Variants in PIEZO2 observed in about 807,000 individuals in gnomAD.
The protein encoded by PIEZO2 is piezo type mechanosensitive ion channel component 2.
In PIEZO2, 172 loss-of-function variants were observed where a neutral mutation model predicts 337.3. The observed-to-expected ratio is 0.51, with a 90% CI of 0.45 to 0.58. The LOEUF is 0.58. PIEZO2 is among the 20% of genes least tolerant of loss of function. The probability of loss-of-function intolerance (pLI) is 0.00; values close to 1 mark genes in which losing one functional copy is unlikely to be tolerated. For missense variants in PIEZO2, 3,028 were observed against 3,391.3 expected (o/e 0.89, Z 2.66); for synonymous variants, 1,251 against 1,228.5 (o/e 1.02, Z -0.38).
chr18:10,967,507 C>T (rs1366523545), intron 3 of PIEZO2, among the ~76,000 whole-genome samples: 1 of 152,144 alleles, frequency 6.6e-6, no homozygotes, highest in African/African-American at 2.4e-5. Flanking sequence ...CTACTTTTAG[C>T]TCTTTAAGGA....
In PIEZO2 at chr18:10,824,514, T is replaced by G. The variant is rs1452043062; in HGVS notation, c.918-17240A>C. On this transcript the variant is annotated intron_variant, in intron 7 of 55. Coordinates refer to ENST00000674853, the MANE Select transcript of PIEZO2 (RefSeq NM_001378183.1). The surrounding 1 kb of genome is among the most constrained non-coding windows in gnomAD (Gnocchi z 4.4). ...ATTTTAAATGAACATGACAGAGAAA[T>G]TTAGATTTAGATTTCTAGATAACTT... 6.6e-6 allele frequency among the ~76,000 whole-genome samples: 1 copy of G among 152,186 alleles called. No homozygotes were observed. Among genetic ancestry groups the G allele is most frequent in the African/African-American group, 2.4e-5 (1 of 41,452 alleles).
rs1490197032 is a variant in PIEZO2, at chr18:10,888,704, T to C, written c.330-17289A>G. On this transcript the variant is annotated intron_variant, in intron 4 of 55. Transcript: ENST00000674853. The surrounding 1 kb of genome is among the most constrained non-coding windows in gnomAD (Gnocchi z 4.1). The stretch of plus-strand genomic sequence containing the variant: ...TTCTAGCCTCTGCTTTGTAAATCTT[T>C]GCTCTGATAGTGACAAACATGGCTC... Among the ~76,000 whole-genome samples the C allele has an allele frequency of 6.6e-6, 1 of 152,202 alleles. No homozygotes were observed. The highest frequency in any genetic ancestry group is 1.5e-5 in the Non-Finnish European group (1 of 68,040).
rs571171408 is a variant in PIEZO2 at position 10,784,749 on chromosome 18, C to G, written c.2492+35G>C. Reference sequence around the variant, plus strand: ...GTAGGGTTGAAGAGCTGCCTTCCTGCTAATAAGAGGTCTGTGTTTCTTCCA... The same window carrying G: ...GTAGGGTTGAAGAGCTGCCTTCCTGGTAATAAGAGGTCTGTGTTTCTTCCA... On this transcript the variant is annotated intron_variant, in intron 17 of 55. Transcript: ENST00000674853. The surrounding 1 kb of genome is among the most constrained non-coding windows in gnomAD (Gnocchi z 4.5). 1.4e-6 allele frequency: 2 copies of G among 1,478,822 alleles called. No homozygotes were observed. Among genetic ancestry groups the G allele is most frequent in the Non-Finnish European group, 1.8e-6 (2 of 1,113,216 alleles). 91.6% of individuals were successfully genotyped at this position (1,478,822 alleles called of 1,614,324 possible). A position where few individuals can be genotyped will look rare whatever the true frequency, so the allele number is the denominator to read the frequency against.
In PIEZO2 at chr18:10,762,565, C is replaced by T. The variant is rs886907295; in HGVS notation, c.3184G>A (p.Ala1062Thr). ...ACCCACTCTGTAGGATCGATAGGAG[C>T]GCTGTAGAGCAGAGACTTGTTCAAC... ...NELNKSLLYSAPIDPTEWVGL... is the reference protein window; with the variant it reads ...NELNKSLLYSTPIDPTEWVGL... Residue 1062 changes from alanine to threonine, a missense_variant, in exon 23 of 56, where the codon GCT (alanine) becomes ACT (threonine). This residue lies in a region of PIEZO2 where 1,925 missense variants were observed against 2,051.9 expected (regional missense o/e 0.94). Transcript: ENST00000674853. 14 of 1,537,184 alleles carry T rather than the reference C, an allele frequency of 9.1e-6. No individual in the cohort carries two copies. The highest frequency in any genetic ancestry group is 5.9e-5 in the South Asian group (5 of 84,064).
rs917259834 is a variant in PIEZO2, at chr18:10,784,718, C to T, written c.2492+66G>A. 7.5e-7 allele frequency: 1 copy of T among 1,332,470 alleles called. No homozygotes were observed. Among genetic ancestry groups the T allele is most frequent in the African/African-American group, 2.0e-5 (1 of 49,456 alleles). The allele number at this position is 1,332,470 out of a possible 1,614,324, so 82.5% of individuals were successfully genotyped here. A position where few individuals can be genotyped will look rare whatever the true frequency, so the allele number is the denominator to read the frequency against. The stretch of plus-strand genomic sequence containing the variant: ...TACTGGCTTCTCGCAAGGTGGCCAA[C>T]CTAAGGTAGGGTTGAAGAGCTGCCT... On this transcript the variant is annotated intron_variant, in intron 17 of 55. Coordinates refer to ENST00000674853, the MANE Select transcript of PIEZO2 (RefSeq NM_001378183.1). The surrounding 1 kb of genome is among the most constrained non-coding windows in gnomAD (Gnocchi z 4.5).
chr18:10,896,437 T>A (rs2042903728), intron 4 of PIEZO2, among the ~76,000 whole-genome samples: 1 of 152,202 alleles, frequency 6.6e-6, no homozygotes, highest in Admixed American at 6.5e-5. Flanking sequence ...GAAATTACAC[T>A]CAGTCCAATA....
At position 10,759,229 on chromosome 18, in the gene PIEZO2, T is replaced by G. The variant is rs11080455; in HGVS notation, c.3757+253A>C. ...TGTGTGTGTGTGTGTGTGTGTGTGT[T>G]TGTGTGTGTGTGTTGGGGGAAGTGA... On this transcript the variant is annotated intron_variant, in intron 26 of 55. Transcript: ENST00000674853. This position sits in a 1 kb window ranked among gnomAD's most constrained non-coding sequence, Gnocchi z 5.5. Among the ~76,000 whole-genome samples the G allele has an allele frequency of 0.022, 3,185 of 141,638 alleles. 113 individuals carry two copies. The highest frequency in any genetic ancestry group is 0.076 in the African/African-American group (2,997 of 39,310). 92.9% of individuals were successfully genotyped at this position (141,638 alleles called of 152,430 possible). A position where few individuals can be genotyped will look rare whatever the true frequency, so the allele number is the denominator to read the frequency against.
At position 10,714,811 on chromosome 18, in the gene PIEZO2, C is replaced by G. The variant is rs907867101; in HGVS notation, c.5376G>C (p.Gln1792His). 6 of 1,537,296 alleles carry G rather than the reference C, an allele frequency of 3.9e-6. No individual in the cohort carries two copies. The highest frequency in any genetic ancestry group is 4.4e-6 in the Non-Finnish European group (5 of 1,146,908). ...DEHPGAASGA[Q>H]TAHRMDSLDS... Reference sequence around the variant, plus strand: ...CTAAACTATCCATCCTGTGGGCTGTCTGTGCACCTGAAGCAGCTCCGGGAT... The same window carrying G: ...CTAAACTATCCATCCTGTGGGCTGTGTGTGCACCTGAAGCAGCTCCGGGAT... The change falls in exon 39 of 56, where the codon CAG (glutamine) becomes CAC (histidine). Residue 1792 changes from glutamine (Q) to histidine (H), a missense_variant. Physicochemically the swap from Gln to His is conservative, Grantham distance 24 (BLOSUM62 0). Coordinates refer to ENST00000674853, the MANE Select transcript of PIEZO2 (RefSeq NM_001378183.1).
chr18:10,861,403 C>A lies in PIEZO2; in HGVS notation c.493-4192G>T, dbSNP rs890209851. Among the ~76,000 whole-genome samples the A allele has an allele frequency of 6.6e-6, 1 of 152,228 alleles. No individual in the cohort carries two copies. The highest frequency in any genetic ancestry group is 1.5e-5 in the Non-Finnish European group (1 of 68,042). ...TTAAAGATATTTAAGTCCTTTATCT[C>A]ACCTCTTTAAAAGTTTATGATTTTA... On this transcript the variant is annotated intron_variant, in intron 5 of 55. Coordinates refer to ENST00000674853, the MANE Select transcript of PIEZO2 (RefSeq NM_001378183.1). This position sits in a 1 kb window ranked among gnomAD's most constrained non-coding sequence, Gnocchi z 4.3.
intron 3 of PIEZO2, among the ~76,000 whole-genome samples, chr18:10,956,039 A>G (rs2033506556): frequency 6.6e-6 from 1 of 152,068 alleles, no homozygotes; most frequent in Non-Finnish European, 1.5e-5. Flanking sequence ...CTTAAGTCCA[A>G]TTTCCATTAT....
chr18:10,827,283 A>T (rs1366444250), intron 7 of PIEZO2, among the ~76,000 whole-genome samples: 3 of 152,144 alleles, frequency 2.0e-5, no homozygotes, highest in Non-Finnish European at 4.4e-5. Context: ...GGTTCTTTTT[A>T]AAAGTATGCC....
chr18:10,764,861 T>C (rs1030739918), intron 21 of PIEZO2, among the ~76,000 whole-genome samples: 3 of 152,192 alleles, frequency 2.0e-5, no homozygotes, highest in African/African-American at 7.2e-5. Context: ...ACAAAACAGA[T>C]AGATTAGCGA....
chr18:10,674,278 G>T (rs938456464), intron 54 of PIEZO2, among the ~76,000 whole-genome samples: 2 of 152,232 alleles, frequency 1.3e-5, no homozygotes, highest in African/African-American at 4.8e-5. Context: ...TGGAGGGACA[G>T]AATTATTTCA....
chr18:11,066,812 C>T (rs989410510), intron 1 of PIEZO2, among the ~76,000 whole-genome samples: 1 of 152,162 alleles, frequency 6.6e-6, no homozygotes, highest in Non-Finnish European at 1.5e-5. Flanking sequence ...GTTGGCCAGG[C>T]TGGTCTTGAA....
rs1185892009 is a variant in PIEZO2 at position 10,766,309 on chromosome 18, G to A, written c.2947-3211C>T. ...GAAGGGGAAGCAGAAAGGAGGGGAA[G>A]GGGAAGGAGAAGTAGGAGGAGAAGG... On this transcript the variant is annotated intron_variant, in intron 21 of 55. Coordinates refer to ENST00000674853, the MANE Select transcript of PIEZO2 (RefSeq NM_001378183.1). This position sits in a 1 kb window ranked among gnomAD's most constrained non-coding sequence, Gnocchi z 6.1. Among the ~76,000 whole-genome samples the A allele has an allele frequency of 6.6e-6, 1 of 151,646 alleles. No individual in the cohort carries two copies. The highest frequency in any genetic ancestry group is 1.5e-5 in the Non-Finnish European group (1 of 67,916).
chr18:10,907,675 A>G (rs1289129095), intron 4 of PIEZO2, among the ~76,000 whole-genome samples: 1 of 152,190 alleles, frequency 6.6e-6, no homozygotes, highest in Non-Finnish European at 1.5e-5. Context: ...CTCACTGATT[A>G]CACATGATTA....
At chr18:10,961,217 T>C (rs562392000) in intron 3 of PIEZO2, among the ~76,000 whole-genome samples, 26 of 150,520 alleles carry the variant, frequency 1.7e-4, no homozygotes, top group African/African-American at 6.3e-4. Flanking sequence ...ATACATACAA[T>C]GGAATACTAC....
At chr18:10,811,858 G>A (rs1336278908) in intron 7 of PIEZO2, among the ~76,000 whole-genome samples, 1 of 152,198 alleles carries the variant, frequency 6.6e-6, no homozygotes, top group Non-Finnish European at 1.5e-5. Context: ...TTTTGAGACG[G>A]AGTCTCGCTC....
chr18:10,692,089 T>C (rs945726885), intron 47 of PIEZO2, among the ~76,000 whole-genome samples: 5 of 152,044 alleles, frequency 3.3e-5, no homozygotes, highest in Non-Finnish European at 7.4e-5. Context: ...ACAGTACAGA[T>C]GGTAGTCTTC....
Sources: allele counts gnomAD v4.1 joint callset (sites outside exome capture counted in the v4.1 genomes callset), GRCh38; gene constraint gnomAD v4.1.1; regional missense constraint gnomAD v4.1.1; non-coding constraint Gnocchi (gnomAD v3.1); transcripts MANE v1.5; gene names NCBI Gene and HGNC (gene_info 2026-07-23, HGNC 2026-07-21).